Variants in CPPED1 observed in about 807,000 individuals in gnomAD.
CPPED1 encodes calcineurin like phosphoesterase domain containing 1.
In CPPED1, 28 loss-of-function variants were observed where a neutral mutation model predicts 28.0. The observed-to-expected ratio is 1.00, with a 90% CI of 0.74 to 1.37. The LOEUF is 1.37. Among genes scored for constraint, CPPED1 ranks in the 40% most tolerant of loss-of-function variants. The pLI is 0.00. For missense variants in CPPED1, 504 were observed against 416.5 expected, an observed-to-expected ratio of 1.21 and a Z score of -1.83; for synonymous variants, 198 against 180.2, an observed-to-expected ratio of 1.10 and a Z score of -0.79.
chr16:12,752,203 G>C (rs2080334309), intron 2 of CPPED1, among the ~76,000 whole-genome samples: 1 of 152,262 alleles, frequency 6.6e-6, no homozygotes, highest in East Asian at 1.9e-4. Flanking sequence ...CTTTCTTTAA[G>C]AAAGTCTATT....
At chr16:12,736,870 G>A (rs2080229368) in intron 2 of CPPED1, among the ~76,000 whole-genome samples, 1 of 152,114 alleles carries the variant, frequency 6.6e-6, no homozygotes, top group Non-Finnish European at 1.5e-5. Flanking sequence ...AAGGCAGTGG[G>A]GAGGGGAAGA....
intron 2 of CPPED1, among the ~76,000 whole-genome samples, chr16:12,714,915 T>C (rs2080099300): frequency 6.6e-6 from 1 of 152,144 alleles, no homozygotes. Context: ...TCTAACAGTT[T>C]TCTAGTTTTA....
chr16:12,752,193 C>T (rs2080334194), intron 2 of CPPED1, among the ~76,000 whole-genome samples: 1 of 152,108 alleles, frequency 6.6e-6, no homozygotes, highest in Admixed American at 6.6e-5. Context: ...AAGGCTCCTG[C>T]TTTCTTTAAG....
rs200649701 is a variant in CPPED1 at position 12,747,469 on chromosome 16, AATC to A, written c.289+33713_289+33715del. On this transcript the variant is annotated intron_variant, in intron 2 of 3. Coordinates refer to ENST00000381774, the MANE Select transcript of CPPED1 (RefSeq NM_018340.3). ...TAAATAAATAAATAAATAAATAAAT[AATC>A]ACATTCCATAGAAAAGGAAAAAAAT... Among the ~76,000 whole-genome samples the A allele has an allele frequency of 4.4e-3, 668 of 150,938 alleles. 10 individuals carry two copies. Among genetic ancestry groups the A allele is most frequent in the African/African-American group, 0.016 (646 of 40,660 alleles).
Position 12,781,151 on chromosome 16 carries a change from G to A in CPPED1, c.289+34C>T, listed in dbSNP as rs149125823. ...CAAATGCAGTCATGACCGGCTGAAG[G>A]AGAAAAGGTCACAAGCGATGACCCG... is the stretch of plus-strand genomic sequence containing the variant. On this transcript the variant is annotated intron_variant, in intron 2 of 3. Transcript: ENST00000381774. The A allele has an allele frequency of 7.2e-4, 1,142 of 1,583,376 alleles. 2 individuals carry two copies. Among genetic ancestry groups the A allele is most frequent in the Non-Finnish European group, 9.4e-4 (1,085 of 1,160,078 alleles).
At chr16:12,742,620 T>A (rs866750102) in intron 2 of CPPED1, among the ~76,000 whole-genome samples, 25 of 110,064 alleles carry the variant, frequency 2.3e-4, no homozygotes, top group African/African-American at 7.0e-4. Context: ...ATATGCACCC[T>A]GCACTGAAAA....
At position 12,664,506 on chromosome 16, in the gene CPPED1, A is replaced by G. The variant is rs1450244558; in HGVS notation, c.*380T>C. 4 of 1,061,292 alleles carry G rather than the reference A, an allele frequency of 3.8e-6. No homozygotes were observed. The African/African-American group carries it at 6.9e-5, about 18-fold the overall frequency. The allele number at this position is 1,061,292 out of a possible 1,614,324, so 65.7% of individuals were successfully genotyped here. On this transcript the variant is annotated 3_prime_UTR_variant, in exon 4 of 4. Transcript: ENST00000381774. The surrounding 1 kb of genome is among the most constrained non-coding windows in gnomAD (Gnocchi z 4.2). ...GTGTAGTTTGTTTAAGGAATTATCA[A>G]AGATCATACTTGGCTGTCAGATTGG...
rs777434590 is a variant in CPPED1 at position 12,662,618 on chromosome 16, G to C, written c.*2268C>G. On this transcript the variant is annotated 3_prime_UTR_variant, in exon 4 of 4. Coordinates refer to ENST00000381774, the MANE Select transcript of CPPED1 (RefSeq NM_018340.3). ...CTTTATGTAGCTCCCATTTATGAGT[G>C]AGAACATGAAGTATTCGACTTTCTA... 4 of 152,150 alleles carry C rather than the reference G, an allele frequency of 2.6e-5. No individual in the cohort carries two copies. Among genetic ancestry groups the C allele is most frequent in the Admixed American group, 6.5e-5 (1 of 15,268 alleles). The allele number at this position is 152,150 out of a possible 1,614,324, so 9.4% of individuals were successfully genotyped here. A position where few individuals can be genotyped will look rare whatever the true frequency, so the allele number is the denominator to read the frequency against.
rs923378125 is a variant in CPPED1, at chr16:12,659,850, G to A, written c.*5036C>T. ...AGACTCACAGTTCCGCATGGCTGGG[G>A]AGGCCTCAGGAAACTTACAATCCTG... is the stretch of plus-strand genomic sequence containing the variant. On this transcript the variant is annotated 3_prime_UTR_variant, in exon 4 of 4. Transcript: ENST00000381774. 2 of 152,568 alleles carry A rather than the reference G, an allele frequency of 1.3e-5. No individual in the cohort carries two copies. Among genetic ancestry groups the A allele is most frequent in the African/African-American group, 2.4e-5 (1 of 41,464 alleles). 9.5% of individuals were successfully genotyped at this position (152,568 alleles called of 1,614,324 possible).
chr16:12,667,689 AC>A (rs1315888887), intron 3 of CPPED1, among the ~76,000 whole-genome samples: 2 of 152,230 alleles, frequency 1.3e-5, no homozygotes, highest in African/African-American at 4.8e-5. Flanking sequence ...AGAAGACAAT[AC>A]AGAGACCCAG....
At chr16:12,722,110 AGAACTGATGAT>A (rs2080144327) in intron 2 of CPPED1, among the ~76,000 whole-genome samples, 1 of 152,210 alleles carries the variant, frequency 6.6e-6, no homozygotes. Context: ...AACTCAAAGG[AGAACTGATGAT>A]GATACACTCA....
In CPPED1 at chr16:12,664,320, G is replaced by C. The variant is rs2079812770; in HGVS notation, c.*566C>G. 2.1e-6 allele frequency: 2 copies of C among 966,388 alleles called. No individual in the cohort carries two copies. The highest frequency in any genetic ancestry group is 2.5e-6 in the Non-Finnish European group (2 of 812,130). 59.9% of individuals were successfully genotyped at this position (966,388 alleles called of 1,614,324 possible). A position where few individuals can be genotyped will look rare whatever the true frequency, so the allele number is the denominator to read the frequency against. Reference sequence around the variant, plus strand: ...TCTGTTCCTATCATCAGAAGTCTCAGAATTGAACAGTAAATGGTGCCTACT... The same window carrying C: ...TCTGTTCCTATCATCAGAAGTCTCACAATTGAACAGTAAATGGTGCCTACT... On this transcript the variant is annotated 3_prime_UTR_variant, in exon 4 of 4. Transcript: ENST00000381774. The surrounding 1 kb of genome is among the most constrained non-coding windows in gnomAD (Gnocchi z 4.2).
At chr16:12,778,614 C>T (rs1427490443) in intron 2 of CPPED1, among the ~76,000 whole-genome samples, 2 of 152,176 alleles carry the variant, frequency 1.3e-5, no homozygotes, top group Non-Finnish European at 2.9e-5. Context: ...TAAAAGTATG[C>T]TTTCTGATTT....
chr16:12,722,500 G>C lies in CPPED1; in HGVS notation c.290-17451C>G, dbSNP rs573226016. ...CGCCTGTAATCCCAGCACTTTGGGA[G>C]GCCAAGGAAAGCGGATCGCTGGAGC... On this transcript the variant is annotated intron_variant, in intron 2 of 3. Coordinates refer to ENST00000381774, the MANE Select transcript of CPPED1 (RefSeq NM_018340.3). Among the ~76,000 whole-genome samples the C allele has an allele frequency of 3.9e-5, 6 of 152,346 alleles. No homozygotes were observed. In the South Asian group the frequency reaches 1.2e-3, roughly 32 times the overall value.
intron 2 of CPPED1, chr16:12,745,739 G>C (rs1022515350): frequency 6.6e-6 from 1 of 152,222 alleles, no homozygotes; most frequent in Non-Finnish European, 1.5e-5. Context: ...CTGAATACCT[G>C]GGTGATGTCA....
chr16:12,792,761 C>T (rs866747061), intron 1 of CPPED1, among the ~76,000 whole-genome samples: 8 of 152,190 alleles, frequency 5.3e-5, no homozygotes, highest in Non-Finnish European at 8.8e-5. Flanking sequence ...CCCCTGCACA[C>T]GCTCTCTTGC....
At chr16:12,685,151 G>A (rs1332435007) in intron 3 of CPPED1, among the ~76,000 whole-genome samples, 3 of 152,168 alleles carry the variant, frequency 2.0e-5, no homozygotes, top group African/African-American at 7.2e-5. Context: ...TTAAAAAGGG[G>A]ACAATAATAG....
chr16:12,713,606 C>G (rs1203110683), intron 2 of CPPED1, among the ~76,000 whole-genome samples: 1 of 152,114 alleles, frequency 6.6e-6, no homozygotes, highest in African/African-American at 2.4e-5. Context: ...GGTGATCTGC[C>G]TGCCTCAGCC....
At chr16:12,769,549 T>A (rs1260957469) in intron 2 of CPPED1, among the ~76,000 whole-genome samples, 2 of 152,132 alleles carry the variant, frequency 1.3e-5, no homozygotes, top group Admixed American at 6.5e-5. Context: ...TTAAGTAATA[T>A]TCCCAGTTCC....
Sources: allele counts gnomAD v4.1 joint callset (sites outside exome capture counted in the v4.1 genomes callset), GRCh38; gene constraint gnomAD v4.1.1; non-coding constraint Gnocchi (gnomAD v3.1); transcripts MANE v1.5; gene names NCBI Gene and HGNC (gene_info 2026-07-23, HGNC 2026-07-21).